Variants in ZNRF3 observed in about 807,000 individuals in gnomAD.
ZNRF3 encodes zinc and ring finger 3.
ZNRF3 carries 23 observed loss-of-function variants against 72.5 expected under a neutral mutation model. That is an observed-to-expected ratio of 0.32 (90% CI 0.23 to 0.45). The LOEUF (loss-of-function observed/expected upper bound fraction) is 0.45, where lower values mean the gene tolerates loss of function less well. Ranked by LOEUF, ZNRF3 falls within the 20% of genes least tolerant of loss-of-function variation. The probability of loss-of-function intolerance (pLI) is 1.00; values close to 1 mark genes in which losing one functional copy is unlikely to be tolerated. For missense variants in ZNRF3, 1,169 were observed against 1,272.1 expected, an observed-to-expected ratio of 0.92 and a Z score of 1.23; for synonymous variants, 610 against 545.3, an observed-to-expected ratio of 1.12 and a Z score of -1.65.
intron 2 of ZNRF3, among the ~76,000 whole-genome samples, chr22:29,015,330 A>G (rs1322295696): frequency 6.6e-6 from 1 of 152,226 alleles, no homozygotes; most frequent in African/African-American, 2.4e-5. Context: ...TAAGAAGTCC[A>G]AAGTTTAATT....
chr22:29,049,853 G>A lies in ZNRF3; in HGVS notation c.1672G>A (p.Gly558Ser), dbSNP rs200735359. Reference protein sequence around the residue: ...GSDSSSSSSSGQCHCSSSDSV... With the variant: ...GSDSSSSSSSSQCHCSSSDSV... The stretch of plus-strand genomic sequence containing the variant: ...CGACAGCAGCAGCAGCAGCAGCTCC[G>A]GCCAGTGCCACTGTTCCTCCAGTGA... Residue 558 changes from glycine to serine, a missense_variant, in exon 8 of 9, where the codon GGC (glycine) becomes AGC (serine). By Grantham distance (56) the Gly-to-Ser change is moderately conservative. Transcript: ENST00000544604. This position sits in a 1 kb window ranked among gnomAD's most constrained non-coding sequence, Gnocchi z 5.2. 2.3e-4 allele frequency: 364 copies of A among 1,607,686 alleles called. No homozygotes were observed. The highest frequency in any genetic ancestry group is 8.4e-4 in the African/African-American group (63 of 74,966).
Position 29,050,802 on chromosome 22 carries a change from G to T in ZNRF3, c.2621G>T (p.Arg874Leu). ...CCCCACAGGGGCCTGGGAGCAACCC[G>T]GGAAGAGGAGCGGGCTCTGTGCTGC... The part of the protein sequence containing the change: ...PRPHRGLGAT[R>L]EEERALCCQA... The change falls in exon 8 of 9, where the codon CGG (arginine) becomes CTG (leucine). Residue 874 changes from arginine to leucine, a missense_variant. By Grantham distance (102) the Arg-to-Leu change is moderately radical. Transcript: ENST00000544604. 6.2e-7 allele frequency: 1 copy of T among 1,608,168 alleles called. No homozygotes were observed. Among genetic ancestry groups the T allele is most frequent in the Middle Eastern group, 1.7e-4 (1 of 6,028 alleles).
chr22:28,971,196 A>G (rs1176048997), intron 1 of ZNRF3, among the ~76,000 whole-genome samples: 1 of 151,892 alleles, frequency 6.6e-6, no homozygotes, highest in African/African-American at 2.4e-5. Context: ...CTCTAAAAAA[A>G]TGTTTTTTTT....
intron 1 of ZNRF3, among the ~76,000 whole-genome samples, chr22:28,926,482 CTTT>C (rs781139211): frequency 7.3e-6 from 1 of 136,852 alleles, no homozygotes; most frequent in Non-Finnish European, 1.6e-5. Context: ...CCCTGCCTGG[CTTT>C]TTTTTTTTTT....
intron 1 of ZNRF3, among the ~76,000 whole-genome samples, chr22:28,960,329 T>C (rs893814187): frequency 3.9e-5 from 6 of 152,200 alleles, no homozygotes; most frequent in Admixed American, 2.6e-4. Context: ...TTTTAATAAA[T>C]GAGTCCCTTT....
chr22:29,045,503 C>T (rs1601707695), intron 5 of ZNRF3, among the ~76,000 whole-genome samples: 1 of 151,606 alleles, frequency 6.6e-6, no homozygotes, highest in East Asian at 1.9e-4. Context: ...TTTTTTATTT[C>T]TTTGAGACAA....
intron 1 of ZNRF3, among the ~76,000 whole-genome samples, chr22:28,929,344 A>AT (rs377232879): frequency 1.3e-5 from 2 of 152,020 alleles, no homozygotes; most frequent in Non-Finnish European, 2.9e-5. Context: ...GAACTGGATA[A>AT]TTTTTTTGTT....
Position 29,052,820 on chromosome 22 carries a change from T to TA in ZNRF3, c.2768-759_2768-758insA, listed in dbSNP as rs780782329. Among the ~76,000 whole-genome samples the TA allele has an allele frequency of 4.4e-3, 587 of 133,908 alleles. 6 individuals carry two copies. Among genetic ancestry groups the TA allele is most frequent in the Non-Finnish European group, 4.1e-3 (272 of 66,424 alleles). The allele number at this position is 133,908 out of a possible 152,430, so 87.8% of individuals were successfully genotyped here. On this transcript the variant is annotated intron_variant, in intron 8 of 8. Coordinates refer to ENST00000544604, the MANE Select transcript of ZNRF3 (RefSeq NM_001206998.2). ...ATGACCCTATCTCTTAAAAAAAAAT[T>TA]TAAAAAAAAATTTTTTTTTAATTAG...
At chr22:28,973,467 A>T (rs2035611915) in intron 1 of ZNRF3, among the ~76,000 whole-genome samples, 1 of 152,170 alleles carries the variant, frequency 6.6e-6, no homozygotes, top group African/African-American at 2.4e-5. Flanking sequence ...GATGGGCAGG[A>T]TCAGGACTGC....
At chr22:28,910,495 T>C (rs762741530) in intron 1 of ZNRF3, among the ~76,000 whole-genome samples, 1 of 152,214 alleles carries the variant, frequency 6.6e-6, no homozygotes, top group Non-Finnish European at 1.5e-5. Context: ...TGCAACAGGC[T>C]TTGGATGTTT....
At chr22:28,974,163 G>A (rs1346777082) in intron 1 of ZNRF3, among the ~76,000 whole-genome samples, 2 of 151,912 alleles carry the variant, frequency 1.3e-5, no homozygotes, top group Non-Finnish European at 2.9e-5. Flanking sequence ...GAGTTTCACC[G>A]AGTTAGCCAG....
At chr22:28,899,425 A>C (rs904239847) in intron 1 of ZNRF3, among the ~76,000 whole-genome samples, 1 of 152,170 alleles carries the variant, frequency 6.6e-6, no homozygotes, top group Non-Finnish European at 1.5e-5. Context: ...CCTACAGACA[A>C]CAGAGTTGGC....
intron 2 of ZNRF3, among the ~76,000 whole-genome samples, chr22:28,998,558 G>T (rs2036087135): frequency 6.6e-6 from 1 of 152,124 alleles, no homozygotes; most frequent in Admixed American, 6.5e-5. Context: ...GAAAAGATTG[G>T]CATGATGTAA....
chr22:29,038,674 C>CT (rs949081805), intron 2 of ZNRF3, among the ~76,000 whole-genome samples: 21 of 152,104 alleles, frequency 1.4e-4, no homozygotes, highest in African/African-American at 5.1e-4. Flanking sequence ...ATAAAAGTGT[C>CT]TTTTTCTAAA....
At chr22:28,920,784 A>G (rs569290261) in intron 1 of ZNRF3, among the ~76,000 whole-genome samples, 1 of 152,214 alleles carries the variant, frequency 6.6e-6, no homozygotes, top group Non-Finnish European at 1.5e-5. Context: ...ATTGACGGGT[A>G]GCCTGTACCC....
chr22:29,029,709 G>A (rs1339094396), intron 2 of ZNRF3, among the ~76,000 whole-genome samples: 1 of 152,058 alleles, frequency 6.6e-6, no homozygotes. Context: ...TTTTGTTTTT[G>A]TGTTTTTTAA....
At chr22:29,029,648 A>G (rs1470557830) in intron 2 of ZNRF3, among the ~76,000 whole-genome samples, 1 of 152,188 alleles carries the variant, frequency 6.6e-6, no homozygotes, top group Non-Finnish European at 1.5e-5. Context: ...GGTTTTATCT[A>G]TATAGATCAA....
intron 2 of ZNRF3, among the ~76,000 whole-genome samples, chr22:29,011,741 T>C (rs1167357361): frequency 2.0e-5 from 3 of 152,222 alleles, no homozygotes; most frequent in African/African-American, 7.2e-5. Flanking sequence ...GGAGACGTTT[T>C]CCAAGTAACT....
intron 1 of ZNRF3, among the ~76,000 whole-genome samples, chr22:28,895,475 C>T (rs1013441044): frequency 4.6e-5 from 7 of 152,116 alleles, no homozygotes; most frequent in Admixed American, 3.9e-4. Context: ...GTCAGGAGAT[C>T]GAGACCACGA....
Sources: allele counts gnomAD v4.1 joint callset (sites outside exome capture counted in the v4.1 genomes callset), GRCh38; gene constraint gnomAD v4.1.1; non-coding constraint Gnocchi (gnomAD v3.1); transcripts MANE v1.5; gene names NCBI Gene and HGNC (gene_info 2026-07-23, HGNC 2026-07-21).